Variants in ATXN1 observed in about 807,000 individuals in gnomAD.
The protein encoded by ATXN1 is ataxin-1.
Under a neutral mutation model 56.4 loss-of-function variants are expected in ATXN1, and 8 were observed. The observed-to-expected ratio is 0.14, with a 90% CI of 0.08 to 0.26. The LOEUF is 0.26. Among genes scored for constraint, ATXN1 ranks in the 10% least tolerant of loss-of-function variants. The pLI is 1.00. For synonymous variants in ATXN1, 514 were observed against 494.6 expected (o/e 1.04, Z -0.52); for missense variants, 987 against 1,106.5 (o/e 0.89, Z 1.53).
chr6:16,316,285 T>A (rs1251648905), intron 7 of ATXN1, among the ~76,000 whole-genome samples: 4 of 152,218 alleles, frequency 2.6e-5, no homozygotes, highest in Non-Finnish European at 5.9e-5. Context: ...TGCCAAAAAA[T>A]CTTCTTCCAT....
intron 5 of ATXN1, among the ~76,000 whole-genome samples, chr6:16,500,758 A>C (rs1760870257): frequency 2.0e-5 from 3 of 151,462 alleles, no homozygotes; most frequent in South Asian, 4.2e-4. Flanking sequence ...AAAAAAAAAA[A>C]AACATTGAGG....
At chr6:16,599,666 G>A (rs1354114344) in intron 3 of ATXN1, among the ~76,000 whole-genome samples, 2 of 149,924 alleles carry the variant, frequency 1.3e-5, no homozygotes, top group East Asian at 3.9e-4. Flanking sequence ...AGCAGAGATC[G>A]CGCCACTGCA....
At chr6:16,584,243 T>TACAC (rs368108414) in intron 4 of ATXN1, among the ~76,000 whole-genome samples, 23 of 118,512 alleles carry the variant, frequency 1.9e-4, no homozygotes, top group African/African-American at 5.6e-4. Context: ...TATATATATA[T>TACAC]ACACACACAC....
chr6:16,646,180 C>T (rs914520016), intron 3 of ATXN1, among the ~76,000 whole-genome samples: 5 of 152,132 alleles, frequency 3.3e-5, no homozygotes, highest in Non-Finnish European at 7.4e-5. Context: ...TATGATGATA[C>T]CACTGTACTC....
At chr6:16,538,968 G>C (rs1425245942) in intron 4 of ATXN1, among the ~76,000 whole-genome samples, 1 of 152,176 alleles carries the variant, frequency 6.6e-6, no homozygotes, top group East Asian at 1.9e-4. Flanking sequence ...TTACAGGCAT[G>C]AGTCACTGCG....
chr6:16,575,014 G>A (rs145391092), intron 4 of ATXN1, among the ~76,000 whole-genome samples: 3 of 152,006 alleles, frequency 2.0e-5, no homozygotes, highest in East Asian at 1.9e-4. Context: ...CTTGATTAGA[G>A]TGAGATTATG....
chr6:16,719,561 G>A (rs1305623876), intron 2 of ATXN1, among the ~76,000 whole-genome samples: 1 of 152,170 alleles, frequency 6.6e-6, no homozygotes, highest in Non-Finnish European at 1.5e-5. Flanking sequence ...GATTAAAGAG[G>A]AAACAAGAAT....
intron 6 of ATXN1, among the ~76,000 whole-genome samples, chr6:16,380,988 C>A (rs1174709842): frequency 6.6e-6 from 1 of 152,148 alleles, no homozygotes; most frequent in Non-Finnish European, 1.5e-5. Context: ...GAACTGGTGT[C>A]CTTGTGAAAA....
intron 6 of ATXN1, among the ~76,000 whole-genome samples, chr6:16,406,763 C>T (rs1471234473): frequency 1.3e-5 from 2 of 152,148 alleles, no homozygotes; most frequent in Non-Finnish European, 2.9e-5. Flanking sequence ...AAGTTACTTC[C>T]TCCTTCCTTT....
At chr6:16,539,510 C>T (rs771035234) in intron 4 of ATXN1, among the ~76,000 whole-genome samples, 5 of 152,110 alleles carry the variant, frequency 3.3e-5, no homozygotes, top group Non-Finnish European at 5.9e-5. Flanking sequence ...TAAAGGAACC[C>T]TTGAAAATCA....
chr6:16,545,307 CA>C (rs1761794027), intron 4 of ATXN1, among the ~76,000 whole-genome samples: 1 of 151,816 alleles, frequency 6.6e-6, no homozygotes, highest in South Asian at 2.1e-4. Context: ...GTTCAAGTAG[CA>C]AAGTGGAGGT....
chr6:16,493,661 C>A (rs929586938), intron 5 of ATXN1, among the ~76,000 whole-genome samples: 3 of 152,012 alleles, frequency 2.0e-5, no homozygotes, highest in Non-Finnish European at 4.4e-5. Context: ...ACTCTTTGAT[C>A]AATATTTGTT....
intron 6 of ATXN1, among the ~76,000 whole-genome samples, chr6:16,451,412 C>A (rs1759749580): frequency 6.6e-6 from 1 of 152,220 alleles, no homozygotes; most frequent in Non-Finnish European, 1.5e-5. Context: ...TTGCAGTGAG[C>A]CAAGATCACA....
chr6:16,362,673 A>C (rs1761835661), intron 6 of ATXN1, among the ~76,000 whole-genome samples: 1 of 152,210 alleles, frequency 6.6e-6, no homozygotes, highest in African/African-American at 2.4e-5. Flanking sequence ...CTGTAAGTTT[A>C]AGTGTTCAGA....
chr6:16,659,264 T>C (rs1287787987), intron 2 of ATXN1, among the ~76,000 whole-genome samples: 2 of 152,228 alleles, frequency 1.3e-5, no homozygotes, highest in Non-Finnish European at 2.9e-5. Context: ...AGGATTTTAT[T>C]AGTTTTATGT....
At chr6:16,341,514 ATTTTTTTTTTTTT>A (rs1180798356) in intron 6 of ATXN1, among the ~76,000 whole-genome samples, 4 of 122,706 alleles carry the variant, frequency 3.3e-5, no homozygotes, top group Non-Finnish European at 6.8e-5. Context: ...GGTATAGAGG[ATTTTTTTTTTTTT>A]TTTTTTTTTG....
intron 4 of ATXN1, among the ~76,000 whole-genome samples, chr6:16,539,123 G>A (rs1761663460): frequency 6.6e-6 from 1 of 152,242 alleles, no homozygotes; most frequent in Non-Finnish European, 1.5e-5. Context: ...CAGCAGGGAT[G>A]CTGGCAGGTA....
intron 6 of ATXN1, among the ~76,000 whole-genome samples, chr6:16,358,342 G>C (rs1034717878): frequency 1.3e-5 from 2 of 152,190 alleles, no homozygotes; most frequent in Admixed American, 6.5e-5. Context: ...TTATGAAAAA[G>C]ATACTTGCAC....
At chr6:16,736,075 G>A (rs1009681819) in intron 2 of ATXN1, among the ~76,000 whole-genome samples, 1 of 152,160 alleles carries the variant, frequency 6.6e-6, no homozygotes, top group South Asian at 2.1e-4. Flanking sequence ...TACTCAAACT[G>A]TTATTGATTA....
Sources: allele counts gnomAD v4.1 joint callset (sites outside exome capture counted in the v4.1 genomes callset), GRCh38; gene constraint gnomAD v4.1.1; transcripts MANE v1.5; gene names NCBI Gene and HGNC (gene_info 2026-07-23, HGNC 2026-07-21).